STX8: variants seen among roughly 807,000 people sequenced by gnomAD.
STX8 encodes the protein syntaxin 8.
Under a neutral mutation model 37.5 loss-of-function variants are expected in STX8, and 23 were observed. The observed-to-expected ratio is 0.61, with a 90% CI of 0.44 to 0.87. The LOEUF (loss-of-function observed/expected upper bound fraction) is 0.87. STX8 is among the 40% of genes least tolerant of loss of function. The pLI is 0.00. For synonymous variants in STX8, 115 were observed against 99.1 expected (o/e 1.16, Z -0.95); for missense variants, 313 against 284.7 (o/e 1.10, Z -0.71).
At chr17:9,471,315 C>A (rs1478690721) in intron 6 of STX8, among the ~76,000 whole-genome samples, 1 of 151,532 alleles carries the variant, frequency 6.6e-6, no homozygotes, top group Non-Finnish European at 1.5e-5. Flanking sequence ...TCACACCCAG[C>A]TAATTTTTAT....
intron 5 of STX8, among the ~76,000 whole-genome samples, chr17:9,492,823 C>T (rs1597705969): frequency 2.0e-5 from 3 of 152,092 alleles, no homozygotes; most frequent in South Asian, 2.1e-4. Flanking sequence ...CAGCCAGTCG[C>T]GGTGGCTCAC....
intron 6 of STX8, among the ~76,000 whole-genome samples, chr17:9,422,881 G>A (rs1913493471): frequency 6.6e-6 from 1 of 152,196 alleles, no homozygotes; most frequent in Non-Finnish European, 1.5e-5. Context: ...GCTGTTTAGG[G>A]AAGAAAAATG....
chr17:9,461,873 A>C (rs1905403438), intron 6 of STX8, among the ~76,000 whole-genome samples: 1 of 152,126 alleles, frequency 6.6e-6, no homozygotes, highest in Non-Finnish European at 1.5e-5. Flanking sequence ...ACACTGACAG[A>C]TCATCAGGCA....
intron 7 of STX8, among the ~76,000 whole-genome samples, chr17:9,329,038 G>A (rs920134827): frequency 9.7e-5 from 10 of 103,126 alleles, no homozygotes; most frequent in African/African-American, 3.8e-4. Flanking sequence ...CGACAAGAGC[G>A]AGATTCCATC....
intron 6 of STX8, among the ~76,000 whole-genome samples, chr17:9,484,624 T>C (rs1452517175): frequency 7.2e-6 from 1 of 138,770 alleles, no homozygotes; most frequent in African/African-American, 2.8e-5. Flanking sequence ...GAGACCAGCC[T>C]GGGCAACATG....
At chr17:9,391,558 T>C (rs1912219881) in intron 6 of STX8, among the ~76,000 whole-genome samples, 1 of 151,776 alleles carries the variant, frequency 6.6e-6, no homozygotes, top group South Asian at 2.1e-4. Context: ...CAAATGTGGC[T>C]AAACGTTAAC....
At chr17:9,503,664 G>T (rs1199675027) in intron 5 of STX8, among the ~76,000 whole-genome samples, 1 of 151,980 alleles carries the variant, frequency 6.6e-6, no homozygotes, top group Non-Finnish European at 1.5e-5. Context: ...GTGCCACCAG[G>T]CCTGGCAATA....
chr17:9,423,770 T>C (rs969436118), intron 6 of STX8, among the ~76,000 whole-genome samples: 8 of 152,200 alleles, frequency 5.3e-5, no homozygotes, highest in Admixed American at 1.3e-4. Flanking sequence ...AAAAACACTG[T>C]GCCACAGGTT....
intron 7 of STX8, among the ~76,000 whole-genome samples, chr17:9,251,346 A>G (rs982295820): frequency 6.6e-6 from 1 of 152,228 alleles, no homozygotes; most frequent in African/African-American, 2.4e-5. Flanking sequence ...CACAGAATGC[A>G]GCCCTCACTT....
chr17:9,349,759 C>T (rs907408524), intron 7 of STX8, among the ~76,000 whole-genome samples: 1 of 151,980 alleles, frequency 6.6e-6, no homozygotes, highest in Non-Finnish European at 1.5e-5. Context: ...CTCAACAGAT[C>T]TGACTGTACT....
At chr17:9,375,010 G>A (rs931690204) in intron 7 of STX8, among the ~76,000 whole-genome samples, 9 of 146,048 alleles carry the variant, frequency 6.2e-5, no homozygotes, top group South Asian at 2.2e-4. Flanking sequence ...GTTGCAGTGA[G>A]CTGAGATTGT....
intron 6 of STX8, among the ~76,000 whole-genome samples, chr17:9,402,868 C>T (rs1439881509): frequency 2.6e-5 from 4 of 152,186 alleles, no homozygotes; most frequent in African/African-American, 7.2e-5. Context: ...CCTGCTAATG[C>T]CAGGCTGTAT....
At chr17:9,333,419 G>C (rs1475682815) in intron 7 of STX8, among the ~76,000 whole-genome samples, 1 of 152,118 alleles carries the variant, frequency 6.6e-6, no homozygotes, top group Non-Finnish European at 1.5e-5. Flanking sequence ...ACAGAGTCTT[G>C]CTCTGTCACC....
chr17:9,545,496 A>G (rs1380763534), intron 3 of STX8, among the ~76,000 whole-genome samples: 1 of 152,184 alleles, frequency 6.6e-6, no homozygotes, highest in Non-Finnish European at 1.5e-5. Context: ...TCGCAGAGGC[A>G]CTTATAAACA....
intron 6 of STX8, chr17:9,469,255 G>A (rs1240602130): frequency 6.6e-6 from 1 of 152,132 alleles, no homozygotes; most frequent in Non-Finnish European, 1.5e-5. Flanking sequence ...AGCAAGGTGA[G>A]TGCTGTCCTG....
intron 7 of STX8, among the ~76,000 whole-genome samples, chr17:9,312,037 C>T (rs1423910374): frequency 2.0e-5 from 3 of 151,582 alleles, no homozygotes; most frequent in South Asian, 4.2e-4. Context: ...TTAGTAGAGA[C>T]GGGGTTTCAC....
At position 9,545,265 on chromosome 17, in the gene STX8, T is replaced by G; in HGVS notation, c.230A>C (p.Asp77Ala). Residue 77 changes from aspartate (D) to alanine (A), a missense_variant, in exon 4 of 8, where the codon GAC becomes GCC. Coordinates refer to ENST00000306357, the MANE Select transcript of STX8 (RefSeq NM_004853.3). ...STHQITQLEGDRRQNLLDDLV... is the reference protein window; with the variant it reads ...STHQITQLEGARRQNLLDDLV... Reference sequence around the variant, plus strand: ...ATCATCCAAGAGGTTCTGTCTTCGGTCCCCTTCAAGCTGTGTTCTGCAGAT... The same window carrying G: ...ATCATCCAAGAGGTTCTGTCTTCGGGCCCCTTCAAGCTGTGTTCTGCAGAT... 1 of 1,613,900 alleles carries G rather than the reference T, an allele frequency of 6.2e-7. No homozygotes were observed. Among genetic ancestry groups the G allele is most frequent in the Non-Finnish European group, 8.5e-7 (1 of 1,179,834 alleles).
At chr17:9,560,513 TTA>T (rs1318363074) in intron 2 of STX8, among the ~76,000 whole-genome samples, 2 of 152,082 alleles carry the variant, frequency 1.3e-5, no homozygotes, top group African/African-American at 4.8e-5. Context: ...TTTTAAATTG[TTA>T]TTTTAAAACT....
intron 6 of STX8, among the ~76,000 whole-genome samples, chr17:9,484,032 CA>C (rs1906467574): frequency 1.3e-5 from 2 of 152,208 alleles, no homozygotes; most frequent in Non-Finnish European, 2.9e-5. Context: ...AAAATGCTCT[CA>C]TTCAATTTAG....
Sources: allele counts gnomAD v4.1 joint callset (sites outside exome capture counted in the v4.1 genomes callset), GRCh38; gene constraint gnomAD v4.1.1; transcripts MANE v1.5; gene names NCBI Gene and HGNC (gene_info 2026-07-23, HGNC 2026-07-21).